Variants in DIPK1A observed in about 807,000 individuals in gnomAD.
DIPK1A encodes the protein family with sequence similarity 69 member A.
In DIPK1A, 27 loss-of-function variants were observed where a neutral mutation model predicts 40.8. That is an observed-to-expected ratio of 0.66 (90% CI 0.49 to 0.91). DIPK1A has a LOEUF of 0.91. Among genes scored for constraint, DIPK1A ranks in the 40% least tolerant of loss-of-function variants. DIPK1A has a pLI of 0.00. For synonymous variants in DIPK1A, 166 were observed against 171.3 expected, an observed-to-expected ratio of 0.97 and a Z score of 0.24; for missense variants, 412 against 505.7, an observed-to-expected ratio of 0.81 and a Z score of 1.78.
chr1:92,897,821 G>T (rs1238232602), intron 1 of DIPK1A, among the ~76,000 whole-genome samples: 1 of 151,416 alleles, frequency 6.6e-6, no homozygotes, highest in Non-Finnish European at 1.5e-5. Flanking sequence ...CCTGAGGCTA[G>T]ATAATGTATA....
intron 1 of DIPK1A, among the ~76,000 whole-genome samples, chr1:92,953,358 A>T (rs1651717803): frequency 6.6e-6 from 1 of 151,512 alleles, no homozygotes; most frequent in African/African-American, 2.4e-5. Context: ...GAAGGTTGCT[A>T]AAAAAATTAA....
At chr1:92,857,266 G>C (rs1208887013) in intron 2 of DIPK1A, among the ~76,000 whole-genome samples, 2 of 151,044 alleles carry the variant, frequency 1.3e-5, no homozygotes, top group Non-Finnish European at 2.9e-5. Context: ...AGCAAATATG[G>C]CAAAAGGTTA....
chr1:92,841,338 A>G (rs1053190105), downstream of DIPK1A, among the ~76,000 whole-genome samples: 7 of 152,226 alleles, frequency 4.6e-5, no homozygotes, highest in Non-Finnish European at 1.0e-4. Flanking sequence ...CATGTTGCAA[A>G]TGACAGAATT....
At chr1:92,950,398 T>C (rs1208888861) in intron 1 of DIPK1A, among the ~76,000 whole-genome samples, 2 of 152,144 alleles carry the variant, frequency 1.3e-5, no homozygotes, top group Non-Finnish European at 2.9e-5. Context: ...TGCTCAGAAC[T>C]CTGCATAGAC....
chr1:92,881,355 TG>T (rs1648368636), intron 1 of DIPK1A, among the ~76,000 whole-genome samples: 2 of 146,858 alleles, frequency 1.4e-5, no homozygotes, highest in African/African-American at 5.0e-5. Flanking sequence ...AAAGGCATTA[TG>T]AGTCTACTGG....
intron 2 of DIPK1A, among the ~76,000 whole-genome samples, chr1:92,860,212 G>T (rs2100744762): frequency 6.6e-6 from 1 of 152,188 alleles, no homozygotes; most frequent in Middle Eastern, 3.4e-3. Flanking sequence ...ACAGTTAGAG[G>T]TTCTCAAACT....
chr1:92,844,128 T>C lies in DIPK1A; in HGVS notation c.542A>G (p.Asp181Gly), dbSNP rs1687496185. 1 of 1,551,598 alleles carries C rather than the reference T, an allele frequency of 6.4e-7. No individual in the cohort carries two copies. Among genetic ancestry groups the C allele is most frequent in the African/African-American group, 1.4e-5 (1 of 73,018 alleles). The change falls in exon 5 of 5, where the codon GAC (aspartate) becomes GGC (glycine). Residue 181 changes from aspartate (D) to glycine (G), a missense_variant. Coordinates refer to ENST00000370310, the MANE Select transcript of DIPK1A (RefSeq NM_001006605.5). ...TCCCAAGGAAACCTGGCCATCTTTGTCTCCATCAGCCACCGTCAAGATGAG... is the reference window on the plus strand; with the variant it reads ...TCCCAAGGAAACCTGGCCATCTTTGCCTCCATCAGCCACCGTCAAGATGAG... Reference protein sequence around the residue: ...VNLILTVADGDKDGQVSLGEA... With the variant: ...VNLILTVADGGKDGQVSLGEA...
At chr1:92,856,808 T>A (rs1208300807) in intron 2 of DIPK1A, among the ~76,000 whole-genome samples, 1 of 152,086 alleles carries the variant, frequency 6.6e-6, no homozygotes, top group Admixed American at 6.6e-5. Context: ...CAGGGTACAG[T>A]CTTGGAAGGA....
intron 3 of DIPK1A, among the ~76,000 whole-genome samples, chr1:92,848,327 CGG>C (rs1687704616): frequency 6.6e-6 from 1 of 152,198 alleles, no homozygotes; most frequent in Admixed American, 6.5e-5. Flanking sequence ...TTTCCATGAC[CGG>C]TTGGGCTCCA....
At chr1:92,960,958 A>ACCTGCGGGGG (rs1652054574) in intron 1 of DIPK1A, among the ~76,000 whole-genome samples, 1 of 152,172 alleles carries the variant, frequency 6.6e-6, no homozygotes, top group Non-Finnish European at 1.5e-5. Flanking sequence ...AGGGCAACCG[A>ACCTGCGGGGG]CCTGCGGGGG....
chr1:92,853,593 A>C (rs1341395922), intron 2 of DIPK1A, among the ~76,000 whole-genome samples: 2 of 152,238 alleles, frequency 1.3e-5, no homozygotes, highest in Non-Finnish European at 2.9e-5. Context: ...GTCTTAATTT[A>C]CAGCATCCTT....
At chr1:92,851,561 A>AAAAAAAAAC (rs1557452848) in intron 2 of DIPK1A, among the ~76,000 whole-genome samples, 1 of 93,036 alleles carries the variant, frequency 1.1e-5, no homozygotes, top group Non-Finnish European at 2.3e-5. Context: ...AAAAAAAAAA[A>AAAAAAAAAC]ACTTCTGGTT....
chr1:92,896,280 T>C (rs370538232), intron 1 of DIPK1A, among the ~76,000 whole-genome samples: 12 of 151,386 alleles, frequency 7.9e-5, no homozygotes, highest in African/African-American at 1.9e-4. Flanking sequence ...GTAACCAAAA[T>C]AGCATGGTAC....
chr1:92,880,354 C>T (rs1648310967), intron 1 of DIPK1A, among the ~76,000 whole-genome samples: 1 of 152,124 alleles, frequency 6.6e-6, no homozygotes, highest in African/African-American at 2.4e-5. Context: ...GCAGTTATCA[C>T]TAGAGTAAAT....
intron 4 of DIPK1A, among the ~76,000 whole-genome samples, chr1:92,846,746 A>C (rs1276665026): frequency 2.6e-5 from 3 of 116,636 alleles, no homozygotes; most frequent in African/African-American, 1.0e-4. Flanking sequence ...CTCGCACCTC[A>C]GCATCTCAAG....
At position 92,846,839 on chromosome 1, in the gene DIPK1A, A is replaced by G. The variant is rs1485997160; in HGVS notation, c.474+344T>C. Among the ~76,000 whole-genome samples, 10 of 4,390 alleles carry G rather than the reference A, an allele frequency of 2.3e-3. 1 individual carries two copies. The highest frequency in any genetic ancestry group is 0.029 in the South Asian group (1 of 34). The allele number at this position is 4,390 out of a possible 152,430, so 2.9% of individuals were successfully genotyped here. On this transcript the variant is annotated intron_variant, in intron 4 of 4. Coordinates refer to ENST00000370310, the MANE Select transcript of DIPK1A (RefSeq NM_001006605.5). ...TATATATATATATATATATATATAT[A>G]TATGTGTGTATATATATATGTGTGT... is the stretch of plus-strand genomic sequence containing the variant.
chr1:92,934,049 C>T (rs1428089968), intron 1 of DIPK1A: 1 of 152,010 alleles, frequency 6.6e-6, no homozygotes, highest in Non-Finnish European at 1.5e-5. Flanking sequence ...AAGTAAACTT[C>T]TTAGGATTTG....
chr1:92,859,018 C>A (rs1404954111), intron 2 of DIPK1A, among the ~76,000 whole-genome samples: 2 of 152,126 alleles, frequency 1.3e-5, no homozygotes, highest in Admixed American at 6.5e-5. Flanking sequence ...CTCTTGCCTG[C>A]ACATACCTCA....
chr1:92,906,055 G>A (rs1275630097), intron 1 of DIPK1A, among the ~76,000 whole-genome samples: 1 of 152,066 alleles, frequency 6.6e-6, no homozygotes, highest in African/African-American at 2.4e-5. Flanking sequence ...GTCAAGTAAT[G>A]TCATTCCTTT....
Sources: allele counts gnomAD v4.1 joint callset (sites outside exome capture counted in the v4.1 genomes callset), GRCh38; gene constraint gnomAD v4.1.1; transcripts MANE v1.5; gene names NCBI Gene and HGNC (gene_info 2026-07-23, HGNC 2026-07-21).